The following ESCO1 variants were observed in gnomAD, a reference collection of about 807,000 sequenced individuals.
ESCO1 encodes the protein N-acetyltransferase ESCO1.
In ESCO1, 33 loss-of-function variants were observed where a neutral mutation model predicts 83.5. That is an observed-to-expected ratio of 0.40 (90% CI 0.30 to 0.53). ESCO1 has a LOEUF of 0.53. ESCO1 is among the 20% of genes least tolerant of loss of function. ESCO1 has a pLI of 0.63. For missense variants in ESCO1, 855 were observed against 968.0 expected (o/e 0.88, Z 1.55); for synonymous variants, 332 against 324.3 (o/e 1.02, Z -0.25).
chr18:21,562,494 G>A (rs2038201416), intron 7 of ESCO1, among the ~76,000 whole-genome samples: 2 of 151,648 alleles, frequency 1.3e-5, no homozygotes, highest in Non-Finnish European at 1.5e-5. Flanking sequence ...TTAACAATTA[G>A]CTGTGTGTGG....
chr18:21,569,417 T>C (rs1194067978), intron 4 of ESCO1, among the ~76,000 whole-genome samples: 1 of 151,744 alleles, frequency 6.6e-6, no homozygotes, highest in Non-Finnish European at 1.5e-5. Context: ...GCCAACACAG[T>C]GAAACCCTGT....
chr18:21,565,436 A>T (rs531383529), intron 6 of ESCO1, among the ~76,000 whole-genome samples: 1 of 152,342 alleles, frequency 6.6e-6, no homozygotes, highest in Admixed American at 6.5e-5. Context: ...GAGACAGGCC[A>T]ACCACTTTGG....
chr18:21,576,769 T>G (rs2038423826), intron 2 of ESCO1, among the ~76,000 whole-genome samples: 1 of 152,134 alleles, frequency 6.6e-6, no homozygotes, highest in South Asian at 2.1e-4. Flanking sequence ...GTGCGGTGGC[T>G]CACACCTGTA....
At chr18:21,590,582 CTTTAATTGAATTTGTATTTCAAT>C (rs928910417) in intron 1 of ESCO1, among the ~76,000 whole-genome samples, 10 of 152,126 alleles carry the variant, frequency 6.6e-5, no homozygotes, top group East Asian at 1.9e-4. Flanking sequence ...ACAAATTTTA[CTTTAATTGAATTTGTATTTCAAT>C]TTTAATTGAA....
At chr18:21,577,905 T>C (rs2038442377) in intron 2 of ESCO1, among the ~76,000 whole-genome samples, 1 of 152,202 alleles carries the variant, frequency 6.6e-6, no homozygotes, top group African/African-American at 2.4e-5. Context: ...TCCTAGAGGA[T>C]AGCAGCCAAG....
intron 3 of ESCO1, 30 bp from the exon 4 acceptor site, chr18:21,575,460 T>G (rs899523494): frequency 1.0e-5 from 4 of 398,190 alleles, no homozygotes; most frequent in African/African-American, 8.2e-5. Context: ...AAATAAAGTT[T>G]TGTACAATCC....
chr18:21,557,859 A>G lies in ESCO1; in HGVS notation c.1953+3000T>C, dbSNP rs546252732. Among the ~76,000 whole-genome samples the G allele has an allele frequency of 3.9e-4, 60 of 152,306 alleles. No individual in the cohort carries two copies. In the South Asian group the frequency reaches 0.011, roughly 29 times the overall value. ...TGCTTTCTCTTCACATCTTTAGGGA[A>G]CAGTACCTTAGTTCTGGAAGGAAAC... On this transcript the variant is annotated intron_variant, in intron 8 of 11. Transcript: ENST00000269214.
intron 1 of ESCO1, among the ~76,000 whole-genome samples, chr18:21,594,286 G>A (rs2038728296): frequency 1.3e-5 from 2 of 152,226 alleles, no homozygotes; most frequent in African/African-American, 2.4e-5. Flanking sequence ...CACCTTCTGA[G>A]TCCTGAAATA....
rs200203863 is a variant in ESCO1, at chr18:21,574,608, G to C, written c.236C>G (p.Ala79Gly). The change falls in exon 4 of 12, where the codon GCT becomes GGT. Residue 79 changes from alanine (A) to glycine (G), a missense_variant. This residue lies in a region of ESCO1 where 726 missense variants were observed against 699.5 expected (regional missense o/e 1.04). Transcript: ENST00000269214. The part of the protein sequence containing the change: ...RSSKAASNDK[A>G]TKSINKNTVT... ...CGTATTTTTATTAATGGATTTAGTA[G>C]CTTTATCATTAGATGCTGCCTTTGA... 5 of 1,613,878 alleles carry C rather than the reference G, an allele frequency of 3.1e-6. No individual in the cohort carries two copies. The highest frequency in any genetic ancestry group is 4.2e-6 in the Non-Finnish European group (5 of 1,179,970).
At position 21,552,256 on chromosome 18, in the gene ESCO1, T is replaced by C. The variant is rs186177794; in HGVS notation, c.1953+8603A>G. On this transcript the variant is annotated intron_variant, in intron 8 of 11. Transcript: ENST00000269214. ...AAGGCTAGTTATCAAGACAGTGTGGTTGATATGGTTTGGCTGTGTCCCCAC... is the reference window on the plus strand; with the variant it reads ...AAGGCTAGTTATCAAGACAGTGTGGCTGATATGGTTTGGCTGTGTCCCCAC... Among the ~76,000 whole-genome samples the C allele has an allele frequency of 3.2e-4, 48 of 152,320 alleles. 1 individual carries two copies. Among genetic ancestry groups the C allele is most frequent in the East Asian group, 2.1e-3 (11 of 5,184 alleles).
chr18:21,590,713 G>A (rs1035721187), intron 1 of ESCO1, among the ~76,000 whole-genome samples: 2 of 151,822 alleles, frequency 1.3e-5, no homozygotes, highest in African/African-American at 2.4e-5. Flanking sequence ...ACTTTGGGAG[G>A]CCGAGGTGGG....
intron 11 of ESCO1, among the ~76,000 whole-genome samples, chr18:21,531,926 C>G (rs2037772392): frequency 6.8e-6 from 1 of 147,138 alleles, no homozygotes; most frequent in Non-Finnish European, 1.5e-5. Flanking sequence ...ATTGGCTGAC[C>G]TAAAAACCTC....
rs776660682 is a variant in ESCO1, at chr18:21,573,441, A to G, written c.1403T>C (p.Ile468Thr). 2 of 1,612,100 alleles carry G rather than the reference A, an allele frequency of 1.2e-6. No homozygotes were observed. Among genetic ancestry groups the G allele is most frequent in the South Asian group, 1.1e-5 (1 of 90,350 alleles). The part of the protein sequence containing the change: ...INSEEVKIND[I>T]TVEINKTTER... Reference sequence around the variant, plus strand: ...TGTGGTTTTATTAATTTCTACTGTAATATCATTAATTTTCACTTCTTCAGA... The same window carrying G: ...TGTGGTTTTATTAATTTCTACTGTAGTATCATTAATTTTCACTTCTTCAGA... Residue 468 changes from isoleucine to threonine, a missense_variant, in exon 4 of 12, where the codon ATT becomes ACT. By Grantham distance (89) the Ile-to-Thr change is moderately conservative. This residue lies in a region of ESCO1 where 726 missense variants were observed against 699.5 expected (regional missense o/e 1.04). Coordinates refer to ENST00000269214, the MANE Select transcript of ESCO1 (RefSeq NM_052911.3).
rs538729351 is a variant in ESCO1, at chr18:21,595,250, A to G, written c.-825+5373T>C. Among the ~76,000 whole-genome samples, 55 of 151,570 alleles carry G rather than the reference A, an allele frequency of 3.6e-4. 2 individuals are homozygous for G. The highest frequency in any genetic ancestry group is 1.3e-3 in the African/African-American group (54 of 41,302). ...TGGAGAAATTATCTAAGTGGCGTATATCTTCTAAAACTGAACAGTATCTGT... is the reference window on the plus strand; with the variant it reads ...TGGAGAAATTATCTAAGTGGCGTATGTCTTCTAAAACTGAACAGTATCTGT... On this transcript the variant is annotated intron_variant, in intron 1 of 11. Transcript: ENST00000269214.
In ESCO1 at chr18:21,532,515, A is replaced by G. The variant is rs1465079573; in HGVS notation, c.2333T>C (p.Met778Thr). ...GISRIWVFSM[M>T]RRKKIASRMI... Reference sequence around the variant, plus strand: ...GCGAGAAGCAATTTTCTTCCGACGCATCATGCTGAATACCCATATTCGACT... The same window carrying G: ...GCGAGAAGCAATTTTCTTCCGACGCGTCATGCTGAATACCCATATTCGACT... The change falls in exon 11 of 12, where the codon ATG becomes ACG. Residue 778 changes from methionine to threonine, a missense_variant. Physicochemically the swap from Met to Thr is moderately conservative, Grantham distance 81. Around this residue, in one of 2 missense-constraint regions of ESCO1, gnomAD observed 129 missense variants for 268.5 expected, o/e 0.48. Transcript: ENST00000269214. The G allele has an allele frequency of 6.2e-7, 1 of 1,613,848 alleles. No homozygotes were observed. Among genetic ancestry groups the G allele is most frequent in the Non-Finnish European group, 8.5e-7 (1 of 1,179,744 alleles).
At chr18:21,569,475 G>A (rs535854615) in intron 4 of ESCO1, among the ~76,000 whole-genome samples, 30 of 152,270 alleles carry the variant, frequency 2.0e-4, no homozygotes, top group African/African-American at 6.7e-4. Context: ...GCCGGGCATG[G>A]TGGCTCACGC....
At chr18:21,536,959 T>G (rs2037845702) in intron 9 of ESCO1, among the ~76,000 whole-genome samples, 1 of 152,208 alleles carries the variant, frequency 6.6e-6, no homozygotes, top group South Asian at 2.1e-4. Flanking sequence ...CAAAGCACTT[T>G]ACAAATATTT....
chr18:21,540,594 G>A (rs1209059794), intron 8 of ESCO1: 1 of 1,328,796 alleles, frequency 7.5e-7, no homozygotes, highest in Non-Finnish European at 9.9e-7. Context: ...GAATCTAATA[G>A]GGAAGGAGAA....
At chr18:21,600,427 C>G (rs1306951678) in intron 1 of ESCO1, among the ~76,000 whole-genome samples, 196 bp downstream of exon 1, 4 of 152,230 alleles carry the variant, frequency 2.6e-5, no homozygotes, top group African/African-American at 4.8e-5. Context: ...CAAGCGACGG[C>G]GTCTTGGAGC....
Sources: gnomAD v4.1 joint callset for allele counts (sites outside exome capture counted in the v4.1 genomes callset) on GRCh38, gnomAD v4.1.1 for gene constraint, gnomAD v4.1.1 regional missense constraint, MANE v1.5 for transcripts, NCBI Gene and HGNC (gene_info 2026-07-23, HGNC 2026-07-21) for gene names.